GPR119: variants seen among roughly 807,000 people sequenced by gnomAD.
GPR119 encodes the protein glucose-dependent insulinotropic receptor.
Under a neutral mutation model 13.3 loss-of-function variants are expected in GPR119, and 7 were observed. The observed-to-expected ratio is 0.53, with a 90% CI of 0.30 to 0.99. The LOEUF is 0.99. GPR119 is among the 50% of genes least tolerant of loss of function. The pLI is 0.06. For synonymous variants in GPR119, 107 were observed against 112.5 expected (o/e 0.95, Z 0.31); for missense variants, 197 against 263.0 (o/e 0.75, Z 1.74).
Position 130,380,892 on chromosome X carries a change from C to T in GPR119, c.*1664G>A, listed in dbSNP as rs1305919683. On this transcript the variant is annotated 3_prime_UTR_variant, in exon 2 of 2. Transcript: ENST00000682440. ...CTGTTCATGGAAATAATAAATGGGA[C>T]TGATTGGCCTACATTGCATCCTACA... 8.9e-6 allele frequency among the ~76,000 whole-genome samples: 1 copy of T among 112,342 alleles called. No individual in the cohort carries two copies. Among genetic ancestry groups the T allele is most frequent in the East Asian group, 2.8e-4 (1 of 3,599 alleles).
chrX:130,384,806 G>A lies in GPR119; in HGVS notation c.642C>T (p.Ser214=). Residue 214 remains serine (S), a synonymous_variant, in exon 1 of 2, where the codon TCC becomes TCT. Transcript: ENST00000682440. ...HAGAMAGGYR[S]PRTPSDFKAL... is the part of the protein sequence containing the mutation. Reference sequence around the variant, plus strand: ...CTTTGAAGTCGCTGGGAGTCCGTGGGGATCGATAACCTCCAGCCATGGCTC... The same window carrying A: ...CTTTGAAGTCGCTGGGAGTCCGTGGAGATCGATAACCTCCAGCCATGGCTC... 1 of 1,211,837 alleles carries A rather than the reference G, an allele frequency of 8.3e-7. No homozygotes were observed. The highest frequency in any genetic ancestry group is 1.1e-6 in the Non-Finnish European group (1 of 895,521).
Position 130,382,059 on chromosome X carries a change from A to T in GPR119, c.*497T>A, listed in dbSNP as rs775139705. Among the ~76,000 whole-genome samples, 51 of 110,215 alleles carry T rather than the reference A, an allele frequency of 4.6e-4. 1 individual carries two copies. The highest frequency in any genetic ancestry group is 7.8e-4 in the Non-Finnish European group (41 of 52,857). On this transcript the variant is annotated 3_prime_UTR_variant, in exon 2 of 2. Transcript: ENST00000682440. ...CTTTTCTGTACTTAAAAATATATAT[A>T]TTTTTTATTTTTAATTGACAAATAA...
In GPR119 at chrX:130,384,521, C is replaced by G; in HGVS notation, c.927G>C (p.Ser309=). 1 of 1,211,243 alleles carries G rather than the reference C, an allele frequency of 8.3e-7. No individual in the cohort carries two copies. The highest frequency in any genetic ancestry group is 1.1e-6 in the Non-Finnish European group (1 of 895,217). Residue 309 remains serine (S), a synonymous_variant, in exon 1 of 2, where the codon TCG becomes TCC. Transcript: ENST00000682440. ...KVLTSFLLFL[S]ARNCGPERPR... Reference sequence around the variant, plus strand: ...GCCTCTCTGGGCCACAATTCCTGGCCGAGAGAAAGAGGAGGAATGAGGTGA... The same window carrying G: ...GCCTCTCTGGGCCACAATTCCTGGCGGAGAGAAAGAGGAGGAATGAGGTGA...
chrX:130,384,643 C>T lies in GPR119; in HGVS notation c.805G>A (p.Val269Met), dbSNP rs765431695. 2.6e-5 allele frequency: 32 copies of T among 1,211,663 alleles called. No homozygotes were observed. Among genetic ancestry groups the T allele is most frequent in the Admixed American group, 4.3e-5 (2 of 46,022 alleles). The change falls in exon 1 of 2, where the codon GTG (valine) becomes ATG (methionine). Residue 269 changes from valine to methionine, a missense_variant. Transcript: ENST00000682440. Reference sequence around the variant, plus strand: ...AGTGGGTTGAGCAGGGAGTTGCCCACGCCGAGCAGCCACAGGTACCGTTCC... The same window carrying T: ...AGTGGGTTGAGCAGGGAGTTGCCCATGCCGAGCAGCCACAGGTACCGTTCC... ...VLERYLWLLG[V>M]GNSLLNPLIY...
In GPR119 at chrX:130,384,506, G is replaced by GC. The variant is rs2034372863; in HGVS notation, c.941dup (p.Glu316ArgfsTer19). 4.1e-6 allele frequency: 5 copies of GC among 1,211,634 alleles called. No individual in the cohort carries two copies. In the East Asian group the frequency reaches 1.5e-4, roughly 36 times the overall value. On this transcript the variant is annotated frameshift_variant, in exon 1 of 2. Transcript: ENST00000682440. LOFTEE classifies it high-confidence loss of function. ...AGGAACTTTCCCTGGGCCTCTCTGG[G>GC]CCACAATTCCTGGCCGAGAGAAAGA...
chrX:130,383,685 A>ACATT (rs2034368000), intron 1 of GPR119, among the ~76,000 whole-genome samples: 1 of 112,793 alleles, frequency 8.9e-6, no homozygotes, highest in Admixed American at 9.3e-5. Context: ...CCTTTTAGGC[A>ACATT]CATTCACCAT....
rs148120707 is a variant in GPR119, at chrX:130,385,346, G to A, written c.102C>T (p.His34=). Residue 34 remains histidine, a synonymous_variant, in exon 1 of 2, where the codon CAC becomes CAT. Coordinates refer to ENST00000682440, the MANE Select transcript of GPR119 (RefSeq NM_178471.3). The part of the protein sequence containing the change: ...LVAVAVLLLI[H]KNDGVSLCFT... ...AGCAGAGACTGACACCATCATTCTT[G>A]TGGATCAACAGCAGCACAGCCACAG... 20 of 1,210,351 alleles carry A rather than the reference G, an allele frequency of 1.7e-5. No homozygotes were observed. Among genetic ancestry groups the A allele is most frequent in the Non-Finnish European group, 2.2e-5 (20 of 895,089 alleles).
Position 130,381,137 on chromosome X carries a change from GTTT to G in GPR119, c.*1416_*1418del, listed in dbSNP as rs79663398. On this transcript the variant is annotated 3_prime_UTR_variant, in exon 2 of 2. Transcript: ENST00000682440. ...GCTTATTAAACACAGTGTTGTTGCT[GTTT>G]TTTTTTTTGTTTGTTTGTTTGTTTT... Among the ~76,000 whole-genome samples, 12 of 79,925 alleles carry G rather than the reference GTTT, an allele frequency of 1.5e-4. No homozygotes were observed. Among genetic ancestry groups the G allele is most frequent in the African/African-American group, 2.6e-4 (6 of 22,865 alleles). 69.4% of individuals were successfully genotyped at this position (79,925 alleles called of 115,157 possible). A position where few individuals can be genotyped will look rare whatever the true frequency, so the allele number is the denominator to read the frequency against.
rs2034350703 is a variant in GPR119, at chrX:130,379,589, TAA to T, written c.*2965_*2966del. On this transcript the variant is annotated 3_prime_UTR_variant, in exon 2 of 2. Coordinates refer to ENST00000682440, the MANE Select transcript of GPR119 (RefSeq NM_178471.3). ...ATTATAACAGAAATTAGAAATAACC[TAA>T]GTTTTAGCACAGCTATAGGGAAATA... 8.9e-6 allele frequency among the ~76,000 whole-genome samples: 1 copy of T among 112,103 alleles called. No homozygotes were observed. Among genetic ancestry groups the T allele is most frequent in the Non-Finnish European group, 1.9e-5 (1 of 53,298 alleles).
chrX:130,381,488 T>C lies in GPR119; in HGVS notation c.*1068A>G, dbSNP rs1396011835. Among the ~76,000 whole-genome samples the C allele has an allele frequency of 8.9e-6, 1 of 111,978 alleles. No individual in the cohort carries two copies. Among genetic ancestry groups the C allele is most frequent in the Non-Finnish European group, 1.9e-5 (1 of 53,207 alleles). On this transcript the variant is annotated 3_prime_UTR_variant, in exon 2 of 2. Coordinates refer to ENST00000682440, the MANE Select transcript of GPR119 (RefSeq NM_178471.3). Reference sequence around the variant, plus strand: ...TAATTGTGATTACTCTTAAATCCAATTACCATACTAGTGCCAGTGCCTTGT... The same window carrying C: ...TAATTGTGATTACTCTTAAATCCAACTACCATACTAGTGCCAGTGCCTTGT...
At position 130,384,485 on chromosome X, in the gene GPR119, A is replaced by G. The variant is rs755849143; in HGVS notation, c.963T>C (p.Ser321=). 27 of 1,211,565 alleles carry G rather than the reference A, an allele frequency of 2.2e-5. No homozygotes were observed. The highest frequency in any genetic ancestry group is 2.9e-5 in the Non-Finnish European group (26 of 895,270). Residue 321 remains serine (S), a synonymous_variant, in exon 1 of 2, where the codon AGT becomes AGC. Coordinates refer to ENST00000682440, the MANE Select transcript of GPR119 (RefSeq NM_178471.3). ...RNCGPERPRE[S]SCHIVTISSS... ...TGGAGATAGTGACGATGTGACAGGA[A>G]CTTTCCCTGGGCCTCTCTGGGCCAC...
rs1377910845 is a variant in GPR119, at chrX:130,381,444, T to A, written c.*1112A>T. 8.9e-6 allele frequency among the ~76,000 whole-genome samples: 1 copy of A among 112,122 alleles called. No individual in the cohort carries two copies. The highest frequency in any genetic ancestry group is 3.2e-5 in the African/African-American group (1 of 30,817). ...GATTACAGGCGTGAGCCACCATGCC[T>A]GGCCAAACACAGTGTTTTTAATTGT... On this transcript the variant is annotated 3_prime_UTR_variant, in exon 2 of 2. Coordinates refer to ENST00000682440, the MANE Select transcript of GPR119 (RefSeq NM_178471.3).
At position 130,380,847 on chromosome X, in the gene GPR119, C is replaced by T. The variant is rs2034355204; in HGVS notation, c.*1709G>A. Among the ~76,000 whole-genome samples, 1 of 112,007 alleles carries T rather than the reference C, an allele frequency of 8.9e-6. No individual in the cohort carries two copies. The highest frequency in any genetic ancestry group is 3.7e-4 in the South Asian group (1 of 2,692). ...GAGACCCTGTCTCTTAAAACAAAAA[C>T]ACCACAAATTCACAGTAAGCTGTTC... On this transcript the variant is annotated 3_prime_UTR_variant, in exon 2 of 2. Transcript: ENST00000682440.
At chrX:130,384,145 T>C (rs772973100) in intron 1 of GPR119, among the ~76,000 whole-genome samples, 2 of 112,807 alleles carry the variant, frequency 1.8e-5, no homozygotes, top group Admixed American at 1.9e-4. Context: ...ATTTGATCTA[T>C]AAGCATCTTT....
chrX:130,382,845 T>C (rs767505071), intron 1 of GPR119, among the ~76,000 whole-genome samples: 2 of 111,257 alleles, frequency 1.8e-5, no homozygotes, highest in South Asian at 7.7e-4. Flanking sequence ...CATTATAATT[T>C]GTGATTAGAA....
In GPR119 at chrX:130,385,517, G is replaced by A. The variant is rs138533082; in HGVS notation, c.-70C>T. On this transcript the variant is annotated 5_prime_UTR_variant, in exon 1 of 2. Transcript: ENST00000682440. ...CCAGCTGAAATTCTCATGGGCCAGGGGCAGAGGAGCTGTGGGTTCAGAGCT... is the reference window on the plus strand; with the variant it reads ...CCAGCTGAAATTCTCATGGGCCAGGAGCAGAGGAGCTGTGGGTTCAGAGCT... 0.014 allele frequency: 14,522 copies of A among 1,053,547 alleles called. 90 individuals carry two copies. Among genetic ancestry groups the A allele is most frequent in the Non-Finnish European group, 0.016 (12,561 of 765,685 alleles). 86.8% of individuals were successfully genotyped at this position (1,053,547 alleles called of 1,213,427 possible). A position where few individuals can be genotyped will look rare whatever the true frequency, so the allele number is the denominator to read the frequency against.
intron 1 of GPR119, among the ~76,000 whole-genome samples, chrX:130,382,777 A>G (rs982045776): frequency 1.8e-5 from 2 of 111,361 alleles, no homozygotes; most frequent in African/African-American, 6.5e-5. Context: ...AGTGCAAAGC[A>G]TAGTGGTGTG....
In GPR119 at chrX:130,381,630, A is replaced by G. The variant is rs2034359391; in HGVS notation, c.*926T>C. 8.9e-6 allele frequency among the ~76,000 whole-genome samples: 1 copy of G among 111,774 alleles called. No homozygotes were observed. Among genetic ancestry groups the G allele is most frequent in the Admixed American group, 9.5e-5 (1 of 10,485 alleles). On this transcript the variant is annotated 3_prime_UTR_variant, in exon 2 of 2. Transcript: ENST00000682440. ...ATCTTATTCAGAGGTTGAGGAATTT[A>G]CAGTTCTGAGTCCAATTGTCCTTGT...
At position 130,384,722 on chromosome X, in the gene GPR119, A is replaced by G. The variant is rs141054139; in HGVS notation, c.726T>C (p.Leu242=). 8 of 1,210,193 alleles carry G rather than the reference A, an allele frequency of 6.6e-6. No homozygotes were observed. The African/African-American group carries it at 8.7e-5, about 13-fold the overall frequency. Reference sequence around the variant, plus strand: ...AGGCCACCTGCACAATGCCAGTGATAAGGAAGGGGGTCCAGGATAGAGCAA... The same window carrying G: ...AGGCCACCTGCACAATGCCAGTGATGAGGAAGGGGGTCCAGGATAGAGCAA... ...GSFALSWTPF[L]ITGIVQVACQ... The change falls in exon 1 of 2, where the codon CTT becomes CTC. Residue 242 remains leucine (L), a synonymous_variant. Transcript: ENST00000682440.
Sources: allele counts gnomAD v4.1 joint callset (sites outside exome capture counted in the v4.1 genomes callset), GRCh38; gene constraint gnomAD v4.1.1; transcripts MANE v1.5; gene names NCBI Gene and HGNC (gene_info 2026-07-23, HGNC 2026-07-21).